Variants in PCDHA7 observed in about 807,000 individuals in gnomAD.
PCDHA7 encodes the protein protocadherin alpha-7.
In PCDHA7, 37 loss-of-function variants were observed where a neutral mutation model predicts 57.2. That is an observed-to-expected ratio of 0.65 (90% CI 0.50 to 0.85). The LOEUF (loss-of-function observed/expected upper bound fraction) is 0.85. PCDHA7 is among the 40% of genes least tolerant of loss of function. PCDHA7 has a pLI of 0.00. For missense variants in PCDHA7, 1,188 were observed against 1,241.8 expected (o/e 0.96, Z 0.65); for synonymous variants, 553 against 558.8 (o/e 0.99, Z 0.15).
chr5:141,007,395 C>CAAAAAAA (rs35800918), intron 3 of PCDHA7, among the ~76,000 whole-genome samples: 1,149 of 94,062 alleles, frequency 0.012, no homozygotes, highest in African/African-American at 0.016. Flanking sequence ...TACTAAAATA[C>CAAAAAAA]AAAAAAAAAA....
intron 1 of PCDHA7, among the ~76,000 whole-genome samples, chr5:140,972,402 G>A (rs1554234110): frequency 6.6e-6 from 1 of 151,784 alleles, no homozygotes; most frequent in Non-Finnish European, 1.5e-5. Context: ...TTCACTATTG[G>A]CAAACCCTGT....
In PCDHA7 at chr5:140,843,148, T is replaced by G. The variant is rs2150353872; in HGVS notation, c.2355+6410T>G. On this transcript the variant is annotated intron_variant, in intron 1 of 3. Transcript: ENST00000525929. ...CGGGCTACAACGCGTGGCTTTCGTA[T>G]GAGCTGCAGCCAGCTGCAAGCAGCC... is the stretch of plus-strand genomic sequence containing the variant. The G allele has an allele frequency of 1.9e-5, 30 of 1,595,940 alleles. 4 individuals are homozygous for G. The highest frequency in any genetic ancestry group is 2.5e-5 in the Non-Finnish European group (29 of 1,165,574).
At chr5:140,851,590 A>T in intron 1 of PCDHA7, 1 of 918,156 alleles carries the variant, frequency 1.1e-6, no homozygotes, top group Non-Finnish European at 1.3e-6. Flanking sequence ...ATTTTTTGAA[A>T]TTCAGTTTAC....
chr5:141,000,158 A>G (rs1313496168), intron 3 of PCDHA7, among the ~76,000 whole-genome samples: 1 of 151,968 alleles, frequency 6.6e-6, no homozygotes, highest in Non-Finnish European at 1.5e-5. Context: ...AACAAAAACT[A>G]TTTGATTATT....
At position 140,836,696 on chromosome 5, in the gene PCDHA7, C is replaced by T. The variant is rs140050284; in HGVS notation, c.2313C>T (p.Ala771=). 6.2e-7 allele frequency: 1 copy of T among 1,613,304 alleles called. No homozygotes were observed. Among genetic ancestry groups the T allele is most frequent in the African/African-American group, 1.3e-5 (1 of 74,804 alleles). ...GCCCACCCAAGACAGACCTCATGGC[C>T]TTCAGTCCCAGCCTTCCTCAGGGTC... ...GEGPPKTDLM[A]FSPSLPQGPS... is the part of the protein sequence containing the mutation. Residue 771 remains alanine, a synonymous_variant, in exon 1 of 4, where the codon GCC becomes GCT. Transcript: ENST00000525929.
chr5:140,930,747 CAT>C (rs2087070106), intron 1 of PCDHA7, among the ~76,000 whole-genome samples: 1 of 152,116 alleles, frequency 6.6e-6, no homozygotes, highest in Non-Finnish European at 1.5e-5. Context: ...AATAAATTTA[CAT>C]ATGTTAAAAT....
intron 1 of PCDHA7, chr5:140,928,699 G>C (rs782291734): frequency 1.2e-6 from 2 of 1,614,170 alleles, no homozygotes; most frequent in East Asian, 2.2e-5. Flanking sequence ...CATCTCCCGG[G>C]CGTCTGACTC....
At chr5:140,884,318 G>A (rs1345534362) in intron 1 of PCDHA7, 1 of 1,613,692 alleles carries the variant, frequency 6.2e-7, no homozygotes, top group Non-Finnish European at 8.5e-7. Flanking sequence ...GAGGGCGTCG[G>A]CAGGCGCTGT....
intron 1 of PCDHA7, chr5:140,871,646 A>G: frequency 7.8e-7 from 1 of 1,275,646 alleles, no homozygotes; most frequent in Non-Finnish European, 1.1e-6. Flanking sequence ...TAAAATACCA[A>G]ATGATACACA....
Position 140,836,185 on chromosome 5 carries a change from C to T in PCDHA7, c.1802C>T (p.Ser601Leu). The change falls in exon 1 of 4, where the codon TCA becomes TTA. Residue 601 changes from serine to leucine, a missense_variant. Transcript: ENST00000525929. ...AAGGTACGTGCAGTTGACGCTGACTCAGGCTACAACGCGTGGCTTTCGTAT... is the reference window on the plus strand; with the variant it reads ...AAGGTACGTGCAGTTGACGCTGACTTAGGCTACAACGCGTGGCTTTCGTAT... ...VAKVRAVDAD[S>L]GYNAWLSYEL... The T allele has an allele frequency of 6.2e-7, 1 of 1,613,828 alleles. No individual in the cohort carries two copies. The highest frequency in any genetic ancestry group is 8.5e-7 in the Non-Finnish European group (1 of 1,179,800).
At chr5:140,943,376 C>G (rs2093486935) in intron 1 of PCDHA7, among the ~76,000 whole-genome samples, 1 of 150,084 alleles carries the variant, frequency 6.7e-6, no homozygotes, top group Non-Finnish European at 1.5e-5. Flanking sequence ...TTAAAATATA[C>G]AGGTAAGAAA....
At position 140,927,438 on chromosome 5, in the gene PCDHA7, C is replaced by A. The variant is rs1446762816; in HGVS notation, c.2356-51511C>A. ...GATCGCGGGTTGACGGCAGCGAATACCCGGAGTTGGTGTTGGAGAAAGCAC... is the reference window on the plus strand; with the variant it reads ...GATCGCGGGTTGACGGCAGCGAATAACCGGAGTTGGTGTTGGAGAAAGCAC... On this transcript the variant is annotated intron_variant, in intron 1 of 3. Coordinates refer to ENST00000525929, the MANE Select transcript of PCDHA7 (RefSeq NM_018910.3). 3 of 1,614,032 alleles carry A rather than the reference C, an allele frequency of 1.9e-6. No individual in the cohort carries two copies. The Admixed American group carries it at 5.0e-5, about 27-fold the overall frequency.
chr5:140,843,244 C>T, intron 1 of PCDHA7: 1 of 1,596,022 alleles, frequency 6.3e-7, no homozygotes, highest in Non-Finnish European at 8.6e-7. Context: ...ACGAAGCGGA[C>T]TCTCCGCGCC....
intron 1 of PCDHA7, among the ~76,000 whole-genome samples, chr5:140,898,431 A>G (rs1482364069): frequency 6.6e-6 from 1 of 152,182 alleles, no homozygotes; most frequent in East Asian, 1.9e-4. Context: ...TCCCAGCACC[A>G]TTTATTAAAT....
At chr5:140,909,170 G>A (rs1381735874) in intron 1 of PCDHA7, among the ~76,000 whole-genome samples, 1 of 152,188 alleles carries the variant, frequency 6.6e-6, no homozygotes, top group Non-Finnish European at 1.5e-5. Flanking sequence ...AATCAATCAA[G>A]TTCTCTCCAA....
chr5:140,911,760 A>T (rs1295639313), intron 1 of PCDHA7, among the ~76,000 whole-genome samples: 1 of 151,962 alleles, frequency 6.6e-6, no homozygotes, highest in Non-Finnish European at 1.5e-5. Flanking sequence ...TCTCCATACT[A>T]TTAGAAGTAC....
Position 141,002,911 on chromosome 5 carries a change from G to C in PCDHA7, c.2504-6716G>C, listed in dbSNP as rs565172510. Among the ~76,000 whole-genome samples the C allele has an allele frequency of 3.3e-5, 5 of 152,330 alleles. No homozygotes were observed. The South Asian group carries it at 1.0e-3, about 32-fold the overall frequency. On this transcript the variant is annotated intron_variant, in intron 3 of 3. Transcript: ENST00000525929. ...ACAAAGCAAGATGAAGAGAAGATCA[G>C]AAAAGTGAACACCCTCCAACACCCT...
chr5:140,919,867 G>A (rs2079334985), intron 1 of PCDHA7, among the ~76,000 whole-genome samples: 1 of 152,178 alleles, frequency 6.6e-6, no homozygotes, highest in Non-Finnish European at 1.5e-5. Context: ...TTGGAAATAA[G>A]TCTTTGAAGA....
chr5:140,870,263 C>T (rs1581940012), intron 1 of PCDHA7: 2 of 1,614,182 alleles, frequency 1.2e-6, no homozygotes, highest in East Asian at 4.5e-5. Flanking sequence ...GTGACCTGCT[C>T]GCTGACGCCC....
Sources: gnomAD v4.1 joint callset for allele counts (sites outside exome capture counted in the v4.1 genomes callset) on GRCh38, gnomAD v4.1.1 for gene constraint, MANE v1.5 for transcripts, NCBI Gene and HGNC (gene_info 2026-07-23, HGNC 2026-07-21) for gene names.